Variants in HK2 observed in about 807,000 individuals in gnomAD.
HK2 encodes the protein hexokinase-2.
HK2 carries 42 observed loss-of-function variants against 92.9 expected under a neutral mutation model. The ratio of observed to expected loss-of-function variants is 0.45; its 90% CI spans 0.35 to 0.58. HK2 has a LOEUF of 0.58. HK2 is among the 20% of genes least tolerant of loss of function. HK2 has a pLI of 0.00. For synonymous variants in HK2, 422 were observed against 468.0 expected (o/e 0.90, Z 1.27); for missense variants, 978 against 1,245.1 (o/e 0.79, Z 3.23).
chr2:74,892,713 G>A lies in HK2; in HGVS notation c.*1772G>A, dbSNP rs1172213483. On this transcript the variant is annotated 3_prime_UTR_variant, in exon 18 of 18. Transcript: ENST00000290573. ...TGGTTTTTGTATATTTATCAAACTT[G>A]TGCTGAGAATAGTGTCTGATTATAC... 2.6e-5 allele frequency: 4 copies of A among 152,198 alleles called. No homozygotes were observed. The highest frequency in any genetic ancestry group is 9.7e-5 in the African/African-American group (4 of 41,436). 9.4% of individuals were successfully genotyped at this position (152,198 alleles called of 1,614,324 possible). A position where few individuals can be genotyped will look rare whatever the true frequency, so the allele number is the denominator to read the frequency against.
chr2:74,880,809 T>G (rs1006007017), intron 10 of HK2, among the ~76,000 whole-genome samples: 1 of 152,258 alleles, frequency 6.6e-6, no homozygotes. Flanking sequence ...GTGTATGAGC[T>G]CATTTAATCT....
chr2:74,880,313 C>T lies in HK2; in HGVS notation c.1314C>T (p.Cys438=), dbSNP rs372380659. ...CCGTGCGGCGGCTGGTGCCCGGCTG[C>T]GATGTCCGCTTCCTCCGCTCCGAGG... The part of the protein sequence containing the change: ...HKTVRRLVPG[C]DVRFLRSEDG... The change falls in exon 10 of 18, where the codon TGC becomes TGT. Residue 438 remains cysteine (C), a synonymous_variant. Coordinates refer to ENST00000290573, the MANE Select transcript of HK2 (RefSeq NM_000189.5). 9.8e-5 allele frequency: 158 copies of T among 1,614,034 alleles called. No homozygotes were observed. Among genetic ancestry groups the T allele is most frequent in the Non-Finnish European group, 1.3e-4 (149 of 1,180,044 alleles).
At chr2:74,860,535 C>CT (rs1235282402) in intron 2 of HK2, among the ~76,000 whole-genome samples, 2 of 152,074 alleles carry the variant, frequency 1.3e-5, no homozygotes, top group Non-Finnish European at 2.9e-5. Flanking sequence ...TTATGCAAGT[C>CT]TTTTTTTATT....
At chr2:74,836,055 C>T (rs1325946984) in intron 1 of HK2, among the ~76,000 whole-genome samples, 1 of 152,120 alleles carries the variant, frequency 6.6e-6, no homozygotes, top group Non-Finnish European at 1.5e-5. Flanking sequence ...TTCTCTAATT[C>T]CTGGGATGTG....
intron 1 of HK2, among the ~76,000 whole-genome samples, chr2:74,840,709 TAC>T (rs548509325): frequency 2.4e-4 from 8 of 33,308 alleles, no homozygotes; most frequent in African/African-American, 4.9e-4. Flanking sequence ...CTACTAAAAA[TAC>T]AAAAAAAAAA....
chr2:74,845,875 A>G, intron 1 of HK2, among the ~76,000 whole-genome samples: 1 of 152,210 alleles, frequency 6.6e-6, no homozygotes, highest in Admixed American at 6.5e-5. Context: ...GCAACTTTGT[A>G]GAATAAACTT....
At chr2:74,886,823 C>T in intron 15 of HK2, 150 bp downstream of exon 15, 1 of 844,512 alleles carries the variant, frequency 1.2e-6, no homozygotes, top group South Asian at 1.4e-5. Context: ...TTGTCGAATG[C>T]ACCTGGAAAG....
At chr2:74,866,713 C>A (rs558607425) in intron 2 of HK2, among the ~76,000 whole-genome samples, 1 of 152,286 alleles carries the variant, frequency 6.6e-6, no homozygotes, top group Admixed American at 6.5e-5. Flanking sequence ...CCTGCTCCCC[C>A]ACAGCTTTTC....
intron 2 of HK2, among the ~76,000 whole-genome samples, chr2:74,865,838 T>C (rs572238613): frequency 6.6e-6 from 1 of 152,232 alleles, no homozygotes; most frequent in African/African-American, 2.4e-5. Context: ...AGGGTCTGCC[T>C]AGAGCCCGGA....
intron 1 of HK2, among the ~76,000 whole-genome samples, chr2:74,842,783 T>G (rs1054765974): frequency 2.0e-5 from 3 of 152,234 alleles, no homozygotes; most frequent in African/African-American, 4.8e-5. Flanking sequence ...TCTACAGAGG[T>G]GGCTCCCCCA....
chr2:74,839,802 T>C (rs1191208839), intron 1 of HK2, among the ~76,000 whole-genome samples: 2 of 145,624 alleles, frequency 1.4e-5, no homozygotes, highest in East Asian at 2.1e-4. Context: ...GGACTACAGG[T>C]GCGCACCACC....
chr2:74,839,905 G>A (rs924724642), intron 1 of HK2, among the ~76,000 whole-genome samples: 3 of 149,900 alleles, frequency 2.0e-5, no homozygotes, highest in Admixed American at 6.7e-5. Flanking sequence ...GCCCACTTTG[G>A]CCTCCCAAAG....
At chr2:74,853,909 G>T (rs1165745177) in intron 1 of HK2, among the ~76,000 whole-genome samples, 1 of 152,046 alleles carries the variant, frequency 6.6e-6, no homozygotes, top group Non-Finnish European at 1.5e-5. Flanking sequence ...CCTAGGGTGA[G>T]GGGCAATGGG....
In HK2 at chr2:74,890,377, G is replaced by A. The variant is rs28363063; in HGVS notation, c.2610-420G>A. Among the ~76,000 whole-genome samples, 709 of 152,290 alleles carry A rather than the reference G, an allele frequency of 4.7e-3. 5 individuals carry two copies. The highest frequency in any genetic ancestry group is 0.015 in the African/African-American group (643 of 41,552). On this transcript the variant is annotated intron_variant, in intron 17 of 17. Transcript: ENST00000290573. ...ATGTGGCTCTGATATGAGGCTATGCGCCAGGAAAATAGAAAATCACATTCA... is the reference window on the plus strand; with the variant it reads ...ATGTGGCTCTGATATGAGGCTATGCACCAGGAAAATAGAAAATCACATTCA...
At position 74,889,674 on chromosome 2, in the gene HK2, C is replaced by T. The variant is rs540975295; in HGVS notation, c.2609+196C>T. On this transcript the variant is annotated intron_variant, in intron 17 of 17. Coordinates refer to ENST00000290573, the MANE Select transcript of HK2 (RefSeq NM_000189.5). Reference sequence around the variant, plus strand: ...TTCACCCCCCACCGTGGGAAGCCCCCTCCGAGCCCCTCCACAACTGTGTCA... The same window carrying T: ...TTCACCCCCCACCGTGGGAAGCCCCTTCCGAGCCCCTCCACAACTGTGTCA... Among the ~76,000 whole-genome samples the T allele has an allele frequency of 2.0e-5, 3 of 152,326 alleles. No individual in the cohort carries two copies. In the East Asian group the frequency reaches 5.8e-4, roughly 29 times the overall value.
rs201043075 is a variant in HK2 at position 74,881,762 on chromosome 2, T to C, written c.1622T>C (p.Leu541Pro). Residue 541 changes from leucine to proline, a missense_variant, in exon 11 of 18, where the codon CTG (leucine) becomes CCG (proline). Physicochemically the swap from Leu to Pro is moderately conservative, Grantham distance 98 (BLOSUM62 -3). Around this residue, in one of 3 missense-constraint regions of HK2, gnomAD observed 742 missense variants for 922.5 expected, o/e 0.80. Transcript: ENST00000290573. ...LDLGGTNFRV[L>P]LVRVRNGKWG... Reference sequence around the variant, plus strand: ...CTTGGAGGAACAAATTTCCGGGTCCTGCTGGTCCGTGTTCGGAATGGGAAG... The same window carrying C: ...CTTGGAGGAACAAATTTCCGGGTCCCGCTGGTCCGTGTTCGGAATGGGAAG... 6.2e-7 allele frequency: 1 copy of C among 1,614,188 alleles called. No homozygotes were observed.
chr2:74,871,780 G>A (rs374618301), intron 3 of HK2, among the ~76,000 whole-genome samples: 90 of 152,298 alleles, frequency 5.9e-4, no homozygotes, highest in African/African-American at 2.1e-3. Flanking sequence ...TTGTTAAGTT[G>A]GTTCATAGAA....
intron 8 of HK2, among the ~76,000 whole-genome samples, chr2:74,878,002 CTTTGT>C (rs1361504520): frequency 6.6e-6 from 1 of 152,162 alleles, no homozygotes; most frequent in Non-Finnish European, 1.5e-5. Context: ...GTGCCAATGA[CTTTGT>C]TTTAAGGGGA....
intron 1 of HK2, among the ~76,000 whole-genome samples, chr2:74,838,830 G>A (rs979088033): frequency 6.6e-6 from 1 of 152,150 alleles, no homozygotes. Flanking sequence ...GAGCCACCGC[G>A]CCTGGCTGAT....
Sources: allele counts gnomAD v4.1 joint callset (sites outside exome capture counted in the v4.1 genomes callset), GRCh38; gene constraint gnomAD v4.1.1; regional missense constraint gnomAD v4.1.1; transcripts MANE v1.5; gene names NCBI Gene and HGNC (gene_info 2026-07-23, HGNC 2026-07-21).